PARVA: variants seen among roughly 807,000 people sequenced by gnomAD.
PARVA encodes the protein alpha-parvin.
PARVA carries 25 observed loss-of-function variants against 52.6 expected under a neutral mutation model. The ratio of observed to expected loss-of-function variants is 0.48; its 90% CI spans 0.35 to 0.66. The LOEUF (loss-of-function observed/expected upper bound fraction) is 0.66. Ranked by LOEUF, PARVA falls within the 30% of genes least tolerant of loss-of-function variation. The pLI is 0.01. For missense variants in PARVA, 373 were observed against 450.9 expected (o/e 0.83, Z 1.56); for synonymous variants, 185 against 179.1 (o/e 1.03, Z -0.26).
chr11:12,448,158 CAG>C (rs951972090), intron 1 of PARVA, among the ~76,000 whole-genome samples: 5 of 152,112 alleles, frequency 3.3e-5, no homozygotes, highest in Non-Finnish European at 7.3e-5. Context: ...AACCAAAACT[CAG>C]AGATTTTGGT....
intron 1 of PARVA, among the ~76,000 whole-genome samples, chr11:12,461,779 G>C (rs960398620): frequency 6.6e-6 from 1 of 152,166 alleles, no homozygotes; most frequent in African/African-American, 2.4e-5. Context: ...ACAAAGATGG[G>C]TGGAAACTGT....
intron 1 of PARVA, among the ~76,000 whole-genome samples, chr11:12,433,178 G>A (rs530792763): frequency 3.9e-4 from 60 of 152,142 alleles, no homozygotes; most frequent in African/African-American, 1.3e-3. Flanking sequence ...TTTTTGCGAC[G>A]ACCTTACCCA....
intron 1 of PARVA, among the ~76,000 whole-genome samples, chr11:12,448,839 A>G (rs1418528262): frequency 1.3e-5 from 2 of 152,208 alleles, no homozygotes; most frequent in Non-Finnish European, 2.9e-5. Flanking sequence ...ATTTCCAGAG[A>G]TATCAGCAGA....
At position 12,532,397 on chromosome 11, in the gene PARVA, G is replaced by A. The variant is rs1335086643; in HGVS notation, c.*4472G>A. Among the ~76,000 whole-genome samples the A allele has an allele frequency of 6.6e-6, 1 of 152,146 alleles. No individual in the cohort carries two copies. Among genetic ancestry groups the A allele is most frequent in the Non-Finnish European group, 1.5e-5 (1 of 68,028 alleles). ...GTATTAGGACTTTCTAAGGGAAGACGGGGTACGATGGGTCCCAATCTTGTT... is the reference window on the plus strand; with the variant it reads ...GTATTAGGACTTTCTAAGGGAAGACAGGGTACGATGGGTCCCAATCTTGTT... On this transcript the variant is annotated 3_prime_UTR_variant, in exon 13 of 13. Coordinates refer to ENST00000334956, the MANE Select transcript of PARVA (RefSeq NM_018222.5).
intron 10 of PARVA, among the ~76,000 whole-genome samples, chr11:12,516,271 T>C (rs1378940220): frequency 3.3e-5 from 5 of 152,176 alleles, no homozygotes; most frequent in Non-Finnish European, 7.3e-5. Flanking sequence ...TTCCAAGAAA[T>C]GTGGCCTTCT....
intron 1 of PARVA, among the ~76,000 whole-genome samples, chr11:12,378,087 C>T (rs552695220): frequency 6.6e-6 from 1 of 151,252 alleles, no homozygotes; most frequent in African/African-American, 2.4e-5. Context: ...CGCTTGGCGG[C>T]CGGAGGCGGC....
chr11:12,480,458 A>T (rs1033222867), intron 4 of PARVA: 1 of 152,158 alleles, frequency 6.6e-6, no homozygotes, highest in African/African-American at 2.4e-5. Flanking sequence ...CTCCTCCAGC[A>T]GACATCTAGT....
chr11:12,410,579 T>G (rs1318579919), intron 1 of PARVA, among the ~76,000 whole-genome samples: 1 of 152,214 alleles, frequency 6.6e-6, no homozygotes, highest in Non-Finnish European at 1.5e-5. Context: ...TTCTCTCTCG[T>G]TGCTTCTCCT....
intron 1 of PARVA, among the ~76,000 whole-genome samples, chr11:12,408,235 T>C (rs1418571242): frequency 6.6e-6 from 1 of 152,142 alleles, no homozygotes; most frequent in African/African-American, 2.4e-5. Context: ...GTCGCAGCAG[T>C]GAACCCAGGC....
At chr11:12,406,886 C>T (rs930792429) in intron 1 of PARVA, among the ~76,000 whole-genome samples, 13 of 151,716 alleles carry the variant, frequency 8.6e-5, no homozygotes, top group East Asian at 1.9e-4. Context: ...TAGCCAGGAT[C>T]GTCTCGATCT....
chr11:12,504,173 G>A, intron 5 of PARVA, 141 bp from the exon 6 acceptor site: 1 of 626,314 alleles, frequency 1.6e-6, no homozygotes, highest in Non-Finnish European at 2.9e-6. Context: ...CAACACCGGG[G>A]ATTACATTTC....
intron 1 of PARVA, among the ~76,000 whole-genome samples, chr11:12,387,320 C>A (rs1366429614): frequency 6.6e-6 from 1 of 152,192 alleles, no homozygotes; most frequent in South Asian, 2.1e-4. Flanking sequence ...AGCATCCTTT[C>A]TTTTCTGTTT....
Position 12,529,570 on chromosome 11 carries a change from T to G in PARVA, c.*1645T>G, listed in dbSNP as rs1941746432. 1 of 152,214 alleles carries G rather than the reference T, an allele frequency of 6.6e-6. No homozygotes were observed. The highest frequency in any genetic ancestry group is 6.5e-5 in the Admixed American group (1 of 15,276). The allele number at this position is 152,214 out of a possible 1,614,324, so 9.4% of individuals were successfully genotyped here. A position where few individuals can be genotyped will look rare whatever the true frequency, so the allele number is the denominator to read the frequency against. On this transcript the variant is annotated 3_prime_UTR_variant, in exon 13 of 13. Coordinates refer to ENST00000334956, the MANE Select transcript of PARVA (RefSeq NM_018222.5). ...GTCTGTGACTACCTTGTCACTACTT[T>G]AGGCCCATTCCACAAAGCCCATCTC...
intron 1 of PARVA, among the ~76,000 whole-genome samples, chr11:12,469,262 C>T (rs571728152): frequency 4.0e-4 from 61 of 152,308 alleles, no homozygotes; most frequent in African/African-American, 1.3e-3. Flanking sequence ...GCCTCAGAGT[C>T]AGACCACATA....
In PARVA at chr11:12,498,537, C is replaced by T. The variant is rs114091701; in HGVS notation, c.541+1939C>T. Among the ~76,000 whole-genome samples, 293 of 150,464 alleles carry T rather than the reference C, an allele frequency of 1.9e-3. 2 individuals are homozygous for T. The highest frequency in any genetic ancestry group is 6.7e-3 in the African/African-American group (273 of 41,030). On this transcript the variant is annotated intron_variant, in intron 5 of 12. Transcript: ENST00000334956. Reference sequence around the variant, plus strand: ...CTGTTTCATTTGTTACTAGTTACATCACTGCATCATTTTGCTTGGTCAGGT... The same window carrying T: ...CTGTTTCATTTGTTACTAGTTACATTACTGCATCATTTTGCTTGGTCAGGT...
At chr11:12,519,232 G>A (rs1349016882) in intron 12 of PARVA, among the ~76,000 whole-genome samples, 1 of 152,178 alleles carries the variant, frequency 6.6e-6, no homozygotes, top group Admixed American at 6.5e-5. Context: ...GCCATCTGTG[G>A]CCCTTTTGCT....
intron 1 of PARVA, among the ~76,000 whole-genome samples, chr11:12,462,474 G>A (rs556139165): frequency 6.6e-6 from 1 of 152,290 alleles, no homozygotes; most frequent in Admixed American, 6.5e-5. Context: ...GCTAGAAAAG[G>A]AAAGAAAATG....
intron 1 of PARVA, among the ~76,000 whole-genome samples, chr11:12,458,782 G>C (rs1047064830): frequency 2.0e-5 from 3 of 152,084 alleles, no homozygotes; most frequent in African/African-American, 7.3e-5. Flanking sequence ...ACTCTGCACA[G>C]CCTGGAAGTG....
intron 4 of PARVA, among the ~76,000 whole-genome samples, chr11:12,482,192 C>T (rs183038860): frequency 6.7e-6 from 1 of 150,112 alleles, no homozygotes; most frequent in Admixed American, 6.6e-5. Flanking sequence ...AAAAAAAGGA[C>T]ATGGAATCCA....
Sources: allele counts gnomAD v4.1 joint callset (sites outside exome capture counted in the v4.1 genomes callset), GRCh38; gene constraint gnomAD v4.1.1; transcripts MANE v1.5; gene names NCBI Gene and HGNC (gene_info 2026-07-23, HGNC 2026-07-21).